MAD2L1BP: variants seen among roughly 807,000 people sequenced by gnomAD.
MAD2L1BP encodes the protein MAD2L1 binding protein, also known as MAD2L1-binding protein.
MAD2L1BP carries 22 observed loss-of-function variants against 28.4 expected under a neutral mutation model. The ratio of observed to expected loss-of-function variants is 0.77; its 90% CI spans 0.55 to 1.10. The LOEUF is 1.10. Ranked by LOEUF, MAD2L1BP falls within the 50% of genes least tolerant of loss-of-function variation. The probability of loss-of-function intolerance (pLI) is 0.00; values close to 1 mark genes in which losing one functional copy is unlikely to be tolerated. For synonymous variants in MAD2L1BP, 146 were observed against 133.7 expected, an observed-to-expected ratio of 1.09 and a Z score of -0.63; for missense variants, 325 against 350.5, an observed-to-expected ratio of 0.93 and a Z score of 0.58.
At chr6:43,636,265 T>C (rs1190651504) in intron 1 of MAD2L1BP, 116 bp from the exon 2 acceptor site, 1 of 958,344 alleles carries the variant, frequency 1.0e-6, no homozygotes, top group Non-Finnish European at 1.6e-6. Flanking sequence ...GATATGGGCG[T>C]ATGTCGGAGT....
At chr6:43,630,908 CAAAAAAAAAAAAAA>C, upstream of MAD2L1BP, among the ~76,000 whole-genome samples, 1 of 53,608 alleles carries the variant, frequency 1.9e-5, no homozygotes, top group South Asian at 8.0e-4. Context: ...GACTTCGTCT[CAAAAAAAAAAAAAA>C]AAAAAAAAAG....
chr6:43,632,482 C>A (rs1248590785), upstream of MAD2L1BP, among the ~76,000 whole-genome samples: 1 of 151,506 alleles, frequency 6.6e-6, no homozygotes, highest in East Asian at 1.9e-4. Context: ...GTCTTGAACT[C>A]CTGGACTCAA....
In MAD2L1BP at chr6:43,640,647, C is replaced by T. The variant is rs1770511302; in HGVS notation, c.*114C>T. On this transcript the variant is annotated 3_prime_UTR_variant, in exon 3 of 3. Coordinates refer to ENST00000372171, the MANE Select transcript of MAD2L1BP (RefSeq NM_014628.3). ...TGCTTCCTGGTGAGAGAGGAAGCAA[C>T]TCTCCTTCTGGTTGTCTGCCTCCCC... The T allele has an allele frequency of 8.3e-7, 1 of 1,211,340 alleles. No homozygotes were observed. The highest frequency in any genetic ancestry group is 2.5e-5 in the East Asian group (1 of 40,174). The allele number at this position is 1,211,340 out of a possible 1,614,324, so 75.0% of individuals were successfully genotyped here. A position where few individuals can be genotyped will look rare whatever the true frequency, so the allele number is the denominator to read the frequency against.
intron 1 of MAD2L1BP, among the ~76,000 whole-genome samples, chr6:43,630,139 G>A (rs759526484): frequency 1.4e-4 from 22 of 152,236 alleles, no homozygotes; most frequent in Non-Finnish European, 2.9e-4. Flanking sequence ...CCACGAGGGC[G>A]GGGCAGTGGC....
intron 2 of MAD2L1BP, among the ~76,000 whole-genome samples, chr6:43,639,312 TG>T (rs1423965765): frequency 6.6e-6 from 1 of 152,140 alleles, no homozygotes; most frequent in African/African-American, 2.4e-5. Context: ...GCTAATTTTT[TG>T]TATTTTTAGT....
upstream of MAD2L1BP, among the ~76,000 whole-genome samples, chr6:43,631,597 A>T (rs539818942): frequency 6.6e-6 from 1 of 152,040 alleles, no homozygotes; most frequent in African/African-American, 2.4e-5. Context: ...AGATCCTCCC[A>T]CCTCAGCCTC....
At chr6:43,634,290 G>C (rs1770082026), upstream of MAD2L1BP, among the ~76,000 whole-genome samples, 1 of 139,178 alleles carries the variant, frequency 7.2e-6, no homozygotes, top group Non-Finnish European at 1.5e-5. Context: ...CATGATCATA[G>C]CTCACTGTAA....
chr6:43,638,366 A>G (rs1000023480), intron 2 of MAD2L1BP, among the ~76,000 whole-genome samples: 1 of 151,958 alleles, frequency 6.6e-6, no homozygotes, highest in Non-Finnish European at 1.5e-5. Flanking sequence ...TTGCCTGAGG[A>G]TATTAATTAT....
chr6:43,632,775 C>G (rs573244283), upstream of MAD2L1BP, among the ~76,000 whole-genome samples: 2 of 150,790 alleles, frequency 1.3e-5, no homozygotes, highest in African/African-American at 2.4e-5. Flanking sequence ...AATCCCAGCA[C>G]TTTGGGAGGC....
upstream of MAD2L1BP, among the ~76,000 whole-genome samples, chr6:43,634,583 T>G (rs1470092112): frequency 6.6e-6 from 1 of 151,932 alleles, no homozygotes; most frequent in Non-Finnish European, 1.5e-5. Context: ...TTTTTTGAGA[T>G]GGAGTCTCAC....
Position 43,636,592 on chromosome 6 carries a change from G to A in MAD2L1BP, c.258G>A (p.Gln86=). The change falls in exon 2 of 3, where the codon CAG becomes CAA. Residue 86 remains glutamine, a synonymous_variant. Coordinates refer to ENST00000372171, the MANE Select transcript of MAD2L1BP (RefSeq NM_014628.3). ...LLKHIMYQRQ[Q]LPLPYEQLKH... The stretch of plus-strand genomic sequence containing the variant: ...AGCATATCATGTATCAACGCCAGCA[G>A]CTCCCTCTGCCCTATGAACAGCTTA... The A allele has an allele frequency of 6.2e-7, 1 of 1,614,206 alleles. No homozygotes were observed. Among genetic ancestry groups the A allele is most frequent in the Non-Finnish European group, 8.5e-7 (1 of 1,180,038 alleles).
At position 43,640,012 on chromosome 6, in the gene MAD2L1BP, T is replaced by C; in HGVS notation, c.313-9T>C. 1 of 1,513,752 alleles carries C rather than the reference T, an allele frequency of 6.6e-7. No homozygotes were observed. Among genetic ancestry groups the C allele is most frequent in the Admixed American group, 2.2e-5 (1 of 45,376 alleles). 93.8% of individuals were successfully genotyped at this position (1,513,752 alleles called of 1,614,324 possible). A position where few individuals can be genotyped will look rare whatever the true frequency, so the allele number is the denominator to read the frequency against. On this transcript the variant is annotated splice_polypyrimidine_tract_variant and intron_variant, in intron 2 of 2. Coordinates refer to ENST00000372171, the MANE Select transcript of MAD2L1BP (RefSeq NM_014628.3). Reference sequence around the variant, plus strand: ...TGTTCTTCTCTCCCACCATTCTTTGTCCTCACAGGCAGAGGAGATGCTGAA... The same window carrying C: ...TGTTCTTCTCTCCCACCATTCTTTGCCCTCACAGGCAGAGGAGATGCTGAA...
At chr6:43,634,664 G>A (rs374865595), upstream of MAD2L1BP, among the ~76,000 whole-genome samples, 4 of 152,110 alleles carry the variant, frequency 2.6e-5, no homozygotes, top group East Asian at 5.8e-4. Flanking sequence ...GGCTTCAAGC[G>A]ATTCTCCTGC....
At chr6:43,635,573 T>A (rs1403782472), upstream of MAD2L1BP, among the ~76,000 whole-genome samples, 1 of 152,236 alleles carries the variant, frequency 6.6e-6, no homozygotes, top group Non-Finnish European at 1.5e-5. Flanking sequence ...ACGAAGTAGG[T>A]GCACAGTGAG....
At chr6:43,632,814 A>C (rs1769998849), upstream of MAD2L1BP, among the ~76,000 whole-genome samples, 1 of 151,822 alleles carries the variant, frequency 6.6e-6, no homozygotes, top group South Asian at 2.1e-4. Context: ...TAAGGACAGG[A>C]GTTCAAGACC....
At chr6:43,636,248 T>C in intron 1 of MAD2L1BP, 133 bp from the exon 2 acceptor site, 1 of 817,108 alleles carries the variant, frequency 1.2e-6, no homozygotes, top group Non-Finnish European at 1.9e-6. Flanking sequence ...TACTGTAGGC[T>C]GCGGAGGATA....
In MAD2L1BP at chr6:43,640,526, G is replaced by A. The variant is rs201573646; in HGVS notation, c.818G>A (p.Arg273His). 6.4e-5 allele frequency: 101 copies of A among 1,578,240 alleles called. 1 individual carries two copies. The highest frequency in any genetic ancestry group is 4.5e-4 in the South Asian group (39 of 86,240). Reference protein sequence around the residue: ...FQAPVTFKGFRE With the variant: ...FQAPVTFKGFHE ...GCACCAGTGACATTTAAAGGCTTCC[G>A]CGAGTGAATGAGTGCTTCTTAATCC... The change falls in exon 3 of 3, where the codon CGC becomes CAC. Residue 273 changes from arginine (R) to histidine (H), a missense_variant. Transcript: ENST00000372171.
chr6:43,633,187 TTTC>T, upstream of MAD2L1BP: 2 of 441,562 alleles, frequency 4.5e-6, no homozygotes, highest in Admixed American at 5.0e-5. Flanking sequence ...TTTTTTTTTT[TTTC>T]CAGGCGGAGT....
chr6:43,635,180 A>C (rs1254127752), upstream of MAD2L1BP, among the ~76,000 whole-genome samples: 1 of 152,186 alleles, frequency 6.6e-6, no homozygotes, highest in Admixed American at 6.5e-5. Flanking sequence ...ATCAAGTCCA[A>C]ACTCTCACGT....
Sources: allele counts gnomAD v4.1 joint callset (sites outside exome capture counted in the v4.1 genomes callset), GRCh38; gene constraint gnomAD v4.1.1; transcripts MANE v1.5; gene names NCBI Gene and HGNC (gene_info 2026-07-23, HGNC 2026-07-21).